TAB1: variants seen among roughly 807,000 people sequenced by gnomAD.
The protein encoded by TAB1 is TGF-beta-activated kinase 1 and MAP3K7-binding protein 1.
TAB1 carries 30 observed loss-of-function variants against 54.5 expected under a neutral mutation model. The ratio of observed to expected loss-of-function variants is 0.55; its 90% CI spans 0.41 to 0.75. The LOEUF (loss-of-function observed/expected upper bound fraction) is 0.75. Ranked by LOEUF, TAB1 falls within the 30% of genes least tolerant of loss-of-function variation. The pLI is 0.00. For synonymous variants in TAB1, 289 were observed against 286.9 expected, an observed-to-expected ratio of 1.01 and a Z score of -0.07; for missense variants, 609 against 683.2, an observed-to-expected ratio of 0.89 and a Z score of 1.21.
In TAB1 at chr22:39,428,199, A is replaced by C. The variant is rs1380785008; in HGVS notation, c.1307+16A>C. 1 of 1,559,788 alleles carries C rather than the reference A, an allele frequency of 6.4e-7. No homozygotes were observed. The highest frequency in any genetic ancestry group is 8.8e-7 in the Non-Finnish European group (1 of 1,140,576). On this transcript the variant is annotated intron_variant, in intron 10 of 10. Transcript: ENST00000216160. ...CCCTCACCAAGTAAGTCCCTTCCCC[A>C]CTGAGCCACCCCCAGCCCTGTCACC...
chr22:39,407,270 G>A (rs1052677936), intron 1 of TAB1, among the ~76,000 whole-genome samples: 8 of 152,098 alleles, frequency 5.3e-5, no homozygotes, highest in Non-Finnish European at 7.4e-5. Context: ...CTATCCTGCC[G>A]CCTAACTGAT....
chr22:39,401,046 A>C (rs939325427), intron 1 of TAB1, among the ~76,000 whole-genome samples: 4 of 151,932 alleles, frequency 2.6e-5, no homozygotes, highest in South Asian at 2.1e-4. Flanking sequence ...AAAAAAAAAA[A>C]AAAAAAAAAA....
intron 1 of TAB1, among the ~76,000 whole-genome samples, chr22:39,412,877 T>G (rs1926663623): frequency 6.6e-6 from 1 of 151,360 alleles, no homozygotes; most frequent in East Asian, 2.0e-4. Context: ...TGTATGTTGA[T>G]TCCATATCCT....
At chr22:39,406,686 G>A (rs1161558347) in intron 1 of TAB1, among the ~76,000 whole-genome samples, 2 of 151,898 alleles carry the variant, frequency 1.3e-5, no homozygotes, top group Non-Finnish European at 2.9e-5. Context: ...AGGCTGGAGT[G>A]CAGTGGCGCC....
chr22:39,435,617 G>A (rs532820148), downstream of TAB1, among the ~76,000 whole-genome samples: 2 of 152,318 alleles, frequency 1.3e-5, no homozygotes, highest in South Asian at 2.1e-4. Flanking sequence ...CTTTCTAAGC[G>A]TGCGTGCTGT....
intron 7 of TAB1, among the ~76,000 whole-genome samples, chr22:39,420,900 G>C (rs545126289): frequency 2.8e-5 from 4 of 144,674 alleles, no homozygotes; most frequent in African/African-American, 1.1e-4. Flanking sequence ...GTGTGTGTGT[G>C]TGTGTGTGTG....
chr22:39,419,583 C>G lies in TAB1; in HGVS notation c.729C>G (p.Ile243Met). 6.2e-7 allele frequency: 1 copy of G among 1,613,022 alleles called. No homozygotes were observed. The highest frequency in any genetic ancestry group is 8.5e-7 in the Non-Finnish European group (1 of 1,179,430). Residue 243 changes from isoleucine to methionine, a missense_variant, in exon 7 of 11, where the codon ATC becomes ATG. Ile to Met is a conservative substitution (Grantham distance 10). Coordinates refer to ENST00000216160, the MANE Select transcript of TAB1 (RefSeq NM_006116.3). The part of the protein sequence containing the change: ...IICGQESTRR[I>M]GDYKVKYGYT... ...GTGGGCAGGAGAGCACCCGGCGGATCGGGGATTACAAGGTTAAATATGGCT... is the reference window on the plus strand; with the variant it reads ...GTGGGCAGGAGAGCACCCGGCGGATGGGGGATTACAAGGTTAAATATGGCT...
At chr22:39,429,990 G>A in intron 10 of TAB1, 25 bp from the exon 11 acceptor site, 1 of 1,610,288 alleles carries the variant, frequency 6.2e-7, no homozygotes, top group Non-Finnish European at 8.5e-7. Context: ...GCTTCTGATT[G>A]ACTCCCTCCC....
chr22:39,424,445 T>C (rs959069901), intron 8 of TAB1, among the ~76,000 whole-genome samples: 1 of 142,178 alleles, frequency 7.0e-6, no homozygotes, highest in Non-Finnish European at 1.5e-5. Context: ...TTTCTTTTTT[T>C]TTTTTTTTTT....
In TAB1 at chr22:39,430,463, C is replaced by T; in HGVS notation, c.*241C>T. 7.1e-7 allele frequency: 1 copy of T among 1,402,768 alleles called. No homozygotes were observed. The highest frequency in any genetic ancestry group is 9.3e-7 in the Non-Finnish European group (1 of 1,077,840). 86.9% of individuals were successfully genotyped at this position (1,402,768 alleles called of 1,614,324 possible). A position where few individuals can be genotyped will look rare whatever the true frequency, so the allele number is the denominator to read the frequency against. ...TCCTCCCAGATGGCCTCAGCCAGGA[C>T]CATCGCCCTTTCTCAGAGCAGAGGG... On this transcript the variant is annotated 3_prime_UTR_variant, in exon 11 of 11. Coordinates refer to ENST00000216160, the MANE Select transcript of TAB1 (RefSeq NM_006116.3).
chr22:39,411,938 T>C (rs1248227165), intron 1 of TAB1, among the ~76,000 whole-genome samples: 1 of 152,214 alleles, frequency 6.6e-6, no homozygotes. Context: ...ACAACTTGGA[T>C]GAGTCTTAGA....
chr22:39,400,565 G>A (rs1328991775), intron 1 of TAB1, among the ~76,000 whole-genome samples: 1 of 152,214 alleles, frequency 6.6e-6, no homozygotes. Context: ...GGACCCTCAT[G>A]GGTTTGGCGC....
chr22:39,425,644 G>T (rs1196706882), intron 8 of TAB1, among the ~76,000 whole-genome samples: 6 of 151,466 alleles, frequency 4.0e-5, no homozygotes, highest in Non-Finnish European at 7.4e-5. Flanking sequence ...TCACCTCCCG[G>T]GTTCACGCCA....
Position 39,415,167 on chromosome 22 carries a change from T to C in TAB1, c.170+25T>C. On this transcript the variant is annotated intron_variant, in intron 2 of 10. Transcript: ENST00000216160. This position sits in a 1 kb window ranked among gnomAD's most constrained non-coding sequence, Gnocchi z 4.9. ...GGTGTGTGTGCCAGCATTTCTGTGT[T>C]GGGCCCGGGGAGTTGGTTGGTTTGC... 1 of 1,553,706 alleles carries C rather than the reference T, an allele frequency of 6.4e-7. No individual in the cohort carries two copies. Among genetic ancestry groups the C allele is most frequent in the Non-Finnish European group, 8.7e-7 (1 of 1,146,318 alleles).
intron 1 of TAB1, among the ~76,000 whole-genome samples, chr22:39,405,091 T>G (rs999675857): frequency 9.2e-5 from 14 of 152,348 alleles, no homozygotes; most frequent in Admixed American, 7.8e-4. Flanking sequence ...TTTCATAGCA[T>G]AATTTGGTAT....
intron 8 of TAB1, among the ~76,000 whole-genome samples, chr22:39,425,559 CTT>C (rs112880620): frequency 6.2e-5 from 9 of 144,448 alleles, no homozygotes; most frequent in Non-Finnish European, 9.2e-5. Context: ...TTTTTCTTTT[CTT>C]TTTTTTTTTT....
intron 1 of TAB1, among the ~76,000 whole-genome samples, chr22:39,409,072 A>G (rs919694801): frequency 2.0e-4 from 30 of 152,342 alleles, no homozygotes; most frequent in African/African-American, 7.0e-4. Flanking sequence ...ATTTTTAATC[A>G]CAGCCTTCTA....
chr22:39,417,013 G>A lies in TAB1; in HGVS notation c.411+136G>A. 2.5e-6 allele frequency: 2 copies of A among 792,592 alleles called. 1 individual carries two copies. The highest frequency in any genetic ancestry group is 3.2e-5 in the South Asian group (2 of 62,514). The allele number at this position is 792,592 out of a possible 1,614,324, so 49.1% of individuals were successfully genotyped here. ...GAGCAGTTCCTGATGGGTGACACTG[G>A]TGTGTGGCCACAGGTGAGGGACCTC... On this transcript the variant is annotated intron_variant, in intron 4 of 10. Coordinates refer to ENST00000216160, the MANE Select transcript of TAB1 (RefSeq NM_006116.3).
intron 5 of TAB1, among the ~76,000 whole-genome samples, 184 bp from the exon 6 acceptor site, chr22:39,418,548 A>G (rs185036102): frequency 8.3e-4 from 126 of 152,318 alleles, no homozygotes; most frequent in African/African-American, 2.9e-3. Context: ...GAAAAAGTTA[A>G]ACCCAATTCT....
Sources: allele counts gnomAD v4.1 joint callset (sites outside exome capture counted in the v4.1 genomes callset), GRCh38; gene constraint gnomAD v4.1.1; non-coding constraint Gnocchi (gnomAD v3.1); transcripts MANE v1.5; gene names NCBI Gene and HGNC (gene_info 2026-07-23, HGNC 2026-07-21).